NTM: variants seen among roughly 807,000 people sequenced by gnomAD.
NTM encodes the protein IgLON family member 2.
In NTM, 13 loss-of-function variants were observed where a neutral mutation model predicts 42.1. That is an observed-to-expected ratio of 0.31 (90% CI 0.20 to 0.49). The LOEUF is 0.49. Ranked by LOEUF, NTM falls within the 20% of genes least tolerant of loss-of-function variation. The pLI is 0.99. For synonymous variants in NTM, 187 were observed against 179.2 expected (o/e 1.04, Z -0.35); for missense variants, 373 against 452.8 (o/e 0.82, Z 1.60).
chr11:131,840,569 T>C (rs775033712), intron 1 of NTM, among the ~76,000 whole-genome samples: 1 of 152,128 alleles, frequency 6.6e-6, no homozygotes, highest in Non-Finnish European at 1.5e-5. Context: ...GATAGGACAT[T>C]AACATTGAAA....
At chr11:131,774,247 TTTC>T (rs1212837496) in intron 1 of NTM, 3 of 282,296 alleles carry the variant, frequency 1.1e-5, no homozygotes, top group Non-Finnish European at 1.6e-5. Flanking sequence ...ACAACCTCAA[TTTC>T]TTCTTCTTAG....
chr11:131,403,625 C>G (rs1945484870), intron 1 of NTM, among the ~76,000 whole-genome samples: 1 of 152,082 alleles, frequency 6.6e-6, no homozygotes, highest in East Asian at 1.9e-4. Context: ...CCCAGGAATC[C>G]CACTATGCAC....
chr11:131,550,879 T>C (rs2054573910), intron 1 of NTM, among the ~76,000 whole-genome samples: 1 of 152,182 alleles, frequency 6.6e-6, no homozygotes, highest in Admixed American at 6.5e-5. Context: ...CAGACACTGT[T>C]CTGCCTCTTT....
intron 1 of NTM, among the ~76,000 whole-genome samples, chr11:131,433,108 C>T (rs75749987): frequency 0.07 from 10,683 of 152,038 alleles, 1,742 homozygotes; most frequent in East Asian, 0.66. Flanking sequence ...CCCCCCGTCT[C>T]GGCCTCCCAA....
intron 2 of NTM, among the ~76,000 whole-genome samples, chr11:132,047,159 C>T (rs2078139628): frequency 6.6e-6 from 1 of 152,228 alleles, no homozygotes; most frequent in African/African-American, 2.4e-5. Context: ...TCTGTGCCCC[C>T]ATGGGCTGGG....
intron 1 of NTM, among the ~76,000 whole-genome samples, chr11:131,475,157 G>A (rs1565540397): frequency 6.6e-6 from 1 of 152,082 alleles, no homozygotes; most frequent in Non-Finnish European, 1.5e-5. Context: ...GGCTGGGCCC[G>A]GTTGGTTATA....
intron 8 of NTM, chr11:132,332,441 A>G (rs1337201221): frequency 6.6e-6 from 1 of 152,190 alleles, no homozygotes; most frequent in Non-Finnish European, 1.5e-5. Flanking sequence ...CTTTTCCCAG[A>G]TATACTACAA....
At chr11:131,870,587 C>A (rs1226553097) in intron 1 of NTM, among the ~76,000 whole-genome samples, 1 of 152,176 alleles carries the variant, frequency 6.6e-6, no homozygotes, top group Non-Finnish European at 1.5e-5. Context: ...TAGCTCTGAG[C>A]AGCTTCTCTC....
At chr11:131,716,833 GC>G (rs2077742566) in intron 1 of NTM, among the ~76,000 whole-genome samples, 2 of 152,000 alleles carry the variant, frequency 1.3e-5, no homozygotes, top group Admixed American at 6.6e-5. Context: ...GATTACTAAA[GC>G]TTTTTGTTGT....
chr11:131,732,103 A>G (rs1186758260), intron 1 of NTM, among the ~76,000 whole-genome samples: 3 of 152,182 alleles, frequency 2.0e-5, no homozygotes, highest in Non-Finnish European at 4.4e-5. Flanking sequence ...GAAGATAATT[A>G]AAGAACCTGT....
chr11:131,631,085 G>T (rs568280095), intron 1 of NTM, among the ~76,000 whole-genome samples: 6 of 152,180 alleles, frequency 3.9e-5, no homozygotes, highest in Non-Finnish European at 7.4e-5. Flanking sequence ...ATAGCAGTTA[G>T]GCACTCAGGC....
intron 1 of NTM, among the ~76,000 whole-genome samples, chr11:131,875,872 G>C (rs938440073): frequency 6.6e-6 from 1 of 152,166 alleles, no homozygotes; most frequent in African/African-American, 2.4e-5. Context: ...TCCAAGAACT[G>C]TTTTTCAGTT....
chr11:132,048,852 A>C (rs1215545563), intron 2 of NTM, among the ~76,000 whole-genome samples: 1 of 143,710 alleles, frequency 7.0e-6, no homozygotes, highest in African/African-American at 2.6e-5. Flanking sequence ...CAGCTATTAC[A>C]TGAAAACCGT....
At chr11:131,883,165 A>C (rs1015675094) in intron 1 of NTM, among the ~76,000 whole-genome samples, 1 of 152,240 alleles carries the variant, frequency 6.6e-6, no homozygotes, top group African/African-American at 2.4e-5. Flanking sequence ...GCTGTTTGCT[A>C]CTTGTCAAGA....
intron 4 of NTM, among the ~76,000 whole-genome samples, chr11:132,247,264 A>G (rs1399733900): frequency 2.6e-5 from 4 of 152,196 alleles, no homozygotes; most frequent in Non-Finnish European, 4.4e-5. Context: ...CCTTGGACAC[A>G]TACTCAGGGC....
rs1013295908 is a variant in NTM at position 132,055,439 on chromosome 11, C to T, written c.168-90843C>T. 8.0e-4 allele frequency among the ~76,000 whole-genome samples: 122 copies of T among 152,162 alleles called. 3 individuals carry two copies. The highest frequency in any genetic ancestry group is 2.2e-4 in the Non-Finnish European group (15 of 68,020). On this transcript the variant is annotated intron_variant, in intron 2 of 8. Transcript: ENST00000683400. ...TATGAGCCCATCAAATAAACAAACA[C>T]ACCAACTTGCAAATGAATAGAAACA...
chr11:131,591,538 A>G (rs1175835421), intron 1 of NTM, among the ~76,000 whole-genome samples: 1 of 152,196 alleles, frequency 6.6e-6, no homozygotes, highest in African/African-American at 2.4e-5. Flanking sequence ...TCCCTGCCTA[A>G]CAAGACTATC....
At chr11:131,678,260 A>G (rs999568339) in intron 1 of NTM, among the ~76,000 whole-genome samples, 12 of 152,158 alleles carry the variant, frequency 7.9e-5, no homozygotes, top group African/African-American at 2.9e-4. Flanking sequence ...GGCACTCGTG[A>G]GTTGTCTCCA....
intron 1 of NTM, among the ~76,000 whole-genome samples, chr11:131,392,187 T>C (rs907023502): frequency 9.2e-5 from 14 of 152,236 alleles, no homozygotes; most frequent in African/African-American, 3.4e-4. Context: ...AGTGTTTCAA[T>C]ACGCATTGAC....
Sources: gnomAD v4.1 joint callset for allele counts (sites outside exome capture counted in the v4.1 genomes callset) on GRCh38, gnomAD v4.1.1 for gene constraint, MANE v1.5 for transcripts, NCBI Gene and HGNC (gene_info 2026-07-23, HGNC 2026-07-21) for gene names.